GPC5: variants seen among roughly 807,000 people sequenced by gnomAD.
GPC5 encodes glypican 5.
GPC5 carries 47 observed loss-of-function variants against 53.9 expected under a neutral mutation model. That is an observed-to-expected ratio of 0.87 (90% CI 0.69 to 1.11). The LOEUF is 1.11. Among genes scored for constraint, GPC5 ranks in the 50% most tolerant of loss-of-function variants. The pLI is 0.00. For missense variants in GPC5, 748 were observed against 713.1 expected, an observed-to-expected ratio of 1.05 and a Z score of -0.56; for synonymous variants, 286 against 263.3, an observed-to-expected ratio of 1.09 and a Z score of -0.84.
At position 92,014,102 on chromosome 13, in the gene GPC5, A is replaced by T. The variant is rs572587744; in HGVS notation, c.1401+106045A>T. On this transcript the variant is annotated intron_variant, in intron 6 of 7. Coordinates refer to ENST00000377067, the MANE Select transcript of GPC5 (RefSeq NM_004466.6). ...ATCATTTTTATAAATAGTAGATTCC[A>T]AGTGCCATGAGAACAGAACATTTTC... Among the ~76,000 whole-genome samples, 8 of 152,316 alleles carry T rather than the reference A, an allele frequency of 5.3e-5. No homozygotes were observed. In the East Asian group the frequency reaches 1.5e-3, roughly 29 times the overall value.
chr13:91,442,546 C>A (rs1880515355), intron 1 of GPC5, among the ~76,000 whole-genome samples: 2 of 152,182 alleles, frequency 1.3e-5, no homozygotes, highest in Admixed American at 1.3e-4. Context: ...CCATCTCTTT[C>A]TTTTCCTTAT....
At chr13:91,885,361 T>G (rs2039310646) in intron 5 of GPC5, among the ~76,000 whole-genome samples, 1 of 152,240 alleles carries the variant, frequency 6.6e-6, no homozygotes, top group Non-Finnish European at 1.5e-5. Context: ...TAAGGAAGTT[T>G]TTTTTCTTTA....
chr13:92,181,233 A>G (rs1057149864), intron 7 of GPC5, among the ~76,000 whole-genome samples: 5 of 152,158 alleles, frequency 3.3e-5, no homozygotes, highest in African/African-American at 1.2e-4. Flanking sequence ...AATTAAAACT[A>G]CTCACATGAT....
At chr13:91,470,511 A>G (rs1882550449) in intron 2 of GPC5, among the ~76,000 whole-genome samples, 1 of 152,176 alleles carries the variant, frequency 6.6e-6, no homozygotes, top group Admixed American at 6.5e-5. Flanking sequence ...TTTTTATGGC[A>G]TCGGAGCGCA....
At chr13:92,390,456 G>C (rs1297326224) in intron 7 of GPC5, among the ~76,000 whole-genome samples, 1 of 152,128 alleles carries the variant, frequency 6.6e-6, no homozygotes, top group Non-Finnish European at 1.5e-5. Flanking sequence ...TTAGGGTGAT[G>C]GAGACATTTG....
intron 1 of GPC5, among the ~76,000 whole-genome samples, chr13:91,432,949 C>T (rs1367605203): frequency 6.6e-6 from 1 of 151,936 alleles, no homozygotes; most frequent in Non-Finnish European, 1.5e-5. Flanking sequence ...ATTATATGTG[C>T]CCTTAGGGAG....
At chr13:92,122,236 G>A (rs1331901571) in intron 6 of GPC5, among the ~76,000 whole-genome samples, 2 of 151,848 alleles carry the variant, frequency 1.3e-5, no homozygotes, top group African/African-American at 4.8e-5. Context: ...ATTTACCTTG[G>A]GCTCTCAGTG....
At chr13:91,528,527 G>A (rs1386466070) in intron 2 of GPC5, among the ~76,000 whole-genome samples, 1 of 152,188 alleles carries the variant, frequency 6.6e-6, no homozygotes, top group East Asian at 1.9e-4. Context: ...TCTTTAAGAA[G>A]TTCCAAACAT....
At chr13:92,101,080 C>T (rs2041463014) in intron 6 of GPC5, among the ~76,000 whole-genome samples, 2 of 152,164 alleles carry the variant, frequency 1.3e-5, no homozygotes, top group African/African-American at 2.4e-5. Flanking sequence ...TTATCCTTTA[C>T]AGTACATCCA....
intron 7 of GPC5, among the ~76,000 whole-genome samples, chr13:92,471,423 G>A (rs1311573325): frequency 6.6e-6 from 1 of 152,042 alleles, no homozygotes; most frequent in Non-Finnish European, 1.5e-5. Flanking sequence ...GAAAGAAAGG[G>A]AAGCTCCAAA....
At chr13:91,578,709 T>C (rs183931091) in intron 2 of GPC5, among the ~76,000 whole-genome samples, 1 of 152,086 alleles carries the variant, frequency 6.6e-6, no homozygotes, top group South Asian at 2.1e-4. Flanking sequence ...TAATGCTTGA[T>C]ATCCACTTTT....
chr13:92,227,299 A>G (rs1044252720), intron 7 of GPC5, among the ~76,000 whole-genome samples: 1 of 152,058 alleles, frequency 6.6e-6, no homozygotes, highest in Non-Finnish European at 1.5e-5. Flanking sequence ...CCATTGAAAA[A>G]CGCAAACAAA....
At chr13:92,007,456 T>G (rs1051321021) in intron 6 of GPC5, among the ~76,000 whole-genome samples, 2 of 152,194 alleles carry the variant, frequency 1.3e-5, no homozygotes, top group African/African-American at 4.8e-5. Flanking sequence ...AATTTGCCCT[T>G]TTGTCATTAT....
intron 1 of GPC5, among the ~76,000 whole-genome samples, chr13:91,406,633 C>A (rs1477498625): frequency 6.6e-6 from 1 of 152,202 alleles, no homozygotes; most frequent in African/African-American, 2.4e-5. Flanking sequence ...CTTCAAAGTT[C>A]TCTGACCCAG....
At chr13:91,989,728 C>T (rs542590800) in intron 6 of GPC5, among the ~76,000 whole-genome samples, 72 of 152,196 alleles carry the variant, frequency 4.7e-4, no homozygotes, top group African/African-American at 1.7e-3. Context: ...CATATAATAG[C>T]ATGCAATTAC....
intron 7 of GPC5, among the ~76,000 whole-genome samples, chr13:92,465,639 GA>G (rs1431135072): frequency 6.6e-6 from 1 of 151,944 alleles, no homozygotes; most frequent in African/African-American, 2.4e-5. Context: ...CACATGGATT[GA>G]ATCACTAAGA....
intron 7 of GPC5, among the ~76,000 whole-genome samples, chr13:92,552,316 C>A (rs1470437816): frequency 6.6e-6 from 1 of 151,416 alleles, no homozygotes; most frequent in Non-Finnish European, 1.5e-5. Context: ...AGAGAGAGGT[C>A]ACAAAATAAG....
chr13:92,224,375 G>A (rs2042469784), intron 7 of GPC5, among the ~76,000 whole-genome samples: 1 of 152,160 alleles, frequency 6.6e-6, no homozygotes, highest in South Asian at 2.1e-4. Context: ...AAGATTTAAA[G>A]CTTCAGGAAA....
chr13:91,871,868 G>T (rs928293336), intron 5 of GPC5, among the ~76,000 whole-genome samples: 1 of 151,978 alleles, frequency 6.6e-6, no homozygotes, highest in Non-Finnish European at 1.5e-5. Context: ...GTAACATAAG[G>T]CTGCTTCAGG....
Sources: allele counts gnomAD v4.1 joint callset (sites outside exome capture counted in the v4.1 genomes callset), GRCh38; gene constraint gnomAD v4.1.1; transcripts MANE v1.5; gene names NCBI Gene and HGNC (gene_info 2026-07-23, HGNC 2026-07-21).